EXD2: variants seen among roughly 807,000 people sequenced by gnomAD.
The protein encoded by EXD2 is exonuclease 3'-5' domain-containing protein 2.
A neutral mutation model predicts 62.5 loss-of-function variants in EXD2; 40 were observed. The observed-to-expected ratio is 0.64, with a 90% CI of 0.50 to 0.83. The LOEUF (loss-of-function observed/expected upper bound fraction) is 0.83. Among genes scored for constraint, EXD2 ranks in the 40% least tolerant of loss-of-function variants. The pLI is 0.00. For synonymous variants in EXD2, 239 were observed against 291.9 expected (o/e 0.82, Z 1.85); for missense variants, 671 against 761.8 (o/e 0.88, Z 1.40).
chr14:69,227,828 C>T (rs965251946), intron 3 of EXD2: 4 of 151,830 alleles, frequency 2.6e-5, no homozygotes, highest in Non-Finnish European at 5.9e-5. Context: ...ACCCAGACTC[C>T]ATCTAAAAAA....
intron 1 of EXD2, among the ~76,000 whole-genome samples, chr14:69,193,338 C>A (rs1451759450): frequency 6.6e-6 from 1 of 152,170 alleles, no homozygotes; most frequent in East Asian, 1.9e-4. Flanking sequence ...GGATTACAGG[C>A]GTGAGCCACC....
At chr14:69,234,673 C>T in intron 5 of EXD2, 27 bp from the exon 6 acceptor site, 1 of 1,572,322 alleles carries the variant, frequency 6.4e-7, no homozygotes, top group Non-Finnish European at 8.6e-7. Flanking sequence ...CTTCCAGATT[C>T]CACTGATCTC....
At chr14:69,233,123 G>A (rs750349124) in intron 5 of EXD2, among the ~76,000 whole-genome samples, 2 of 152,162 alleles carry the variant, frequency 1.3e-5, no homozygotes, top group Non-Finnish European at 2.9e-5. Flanking sequence ...AGTACCATTT[G>A]TTTCTTTATC....
At position 69,212,113 on chromosome 14, in the gene EXD2, C is replaced by T. The variant is rs188721761; in HGVS notation, c.333+2310C>T. Among the ~76,000 whole-genome samples, 14 of 152,280 alleles carry T rather than the reference C, an allele frequency of 9.2e-5. No homozygotes were observed. The East Asian group carries it at 2.1e-3, about 23-fold the overall frequency. The stretch of plus-strand genomic sequence containing the variant: ...AAAATAGGCTGGGCGCGGTAGCCCA[C>T]GCCTGTAATCCTAGCACTTTGGGAG... On this transcript the variant is annotated intron_variant, in intron 3 of 9. Transcript: ENST00000685843.
chr14:69,201,872 G>A (rs1224975513), intron 1 of EXD2, among the ~76,000 whole-genome samples: 2 of 151,658 alleles, frequency 1.3e-5, no homozygotes, highest in Non-Finnish European at 2.9e-5. Flanking sequence ...TAGTAGAGAT[G>A]GGGTTTCACC....
At chr14:69,195,020 C>A (rs1329812397) in intron 1 of EXD2, among the ~76,000 whole-genome samples, 4 of 152,064 alleles carry the variant, frequency 2.6e-5, no homozygotes, top group African/African-American at 7.2e-5. Context: ...AGTTTGAGAC[C>A]AGCCTGACCA....
chr14:69,199,374 C>T (rs2042313074), intron 1 of EXD2, among the ~76,000 whole-genome samples: 1 of 152,186 alleles, frequency 6.6e-6, no homozygotes, highest in Non-Finnish European at 1.5e-5. Context: ...CGTGACTGTA[C>T]ACTACTTTAG....
intron 3 of EXD2, among the ~76,000 whole-genome samples, chr14:69,212,991 G>A (rs1445267280): frequency 6.6e-6 from 1 of 151,688 alleles, no homozygotes; most frequent in Non-Finnish European, 1.5e-5. Context: ...GATTACAGGC[G>A]TGAGCAACCG....
intron 3 of EXD2, among the ~76,000 whole-genome samples, chr14:69,216,380 G>A (rs2042988923): frequency 6.6e-6 from 1 of 152,152 alleles, no homozygotes; most frequent in South Asian, 2.1e-4. Context: ...GGGGCAGCAA[G>A]ACCTGCCATC....
At chr14:69,226,617 A>G (rs913976644) in intron 3 of EXD2, among the ~76,000 whole-genome samples, 1 of 151,986 alleles carries the variant, frequency 6.6e-6, no homozygotes, top group African/African-American at 2.4e-5. Context: ...GTGTGGTGGC[A>G]GGCGCCTATA....
chr14:69,194,994 G>A (rs987762481), intron 1 of EXD2, among the ~76,000 whole-genome samples: 4 of 152,060 alleles, frequency 2.6e-5, no homozygotes, highest in Middle Eastern at 3.2e-3. Flanking sequence ...TGAGACGGGC[G>A]GATCACCAGG....
At chr14:69,230,399 A>G (rs1316101088) in intron 4 of EXD2, 73 bp from the exon 5 acceptor site, 1 of 974,600 alleles carries the variant, frequency 1.0e-6, no homozygotes. Flanking sequence ...TTGGCCATTT[A>G]TATGTCTTTT....
At chr14:69,192,030 C>T (rs1258341173) in intron 1 of EXD2, 1 of 152,272 alleles carries the variant, frequency 6.6e-6, no homozygotes. Flanking sequence ...GTTTTCTCTC[C>T]TGGATTCGTG....
At chr14:69,215,650 G>T (rs2042965345) in intron 3 of EXD2, among the ~76,000 whole-genome samples, 1 of 152,062 alleles carries the variant, frequency 6.6e-6, no homozygotes, top group South Asian at 2.1e-4. Flanking sequence ...ATTTGGTACT[G>T]TCATATTTTA....
chr14:69,242,851 T>C lies in EXD2; in HGVS notation c.*1751T>C, dbSNP rs1034533033. On this transcript the variant is annotated 3_prime_UTR_variant, in exon 10 of 10. Coordinates refer to ENST00000685843, the MANE Select transcript of EXD2 (RefSeq NM_001193360.2). ...AAAGCAACTGGTTACTGAACGTAAC[T>C]CATGACTTATGTTTCAAATTTTGCA... The C allele has an allele frequency of 6.6e-6, 1 of 152,242 alleles. No homozygotes were observed. Among genetic ancestry groups the C allele is most frequent in the African/African-American group, 2.4e-5 (1 of 41,464 alleles). The allele number at this position is 152,242 out of a possible 1,614,324, so 9.4% of individuals were successfully genotyped here.
chr14:69,230,134 G>A (rs1033389361), intron 4 of EXD2, among the ~76,000 whole-genome samples: 10 of 152,046 alleles, frequency 6.6e-5, no homozygotes, highest in East Asian at 1.9e-4. Flanking sequence ...AAGCTGACTC[G>A]GGAGCACACT....
intron 2 of EXD2, among the ~76,000 whole-genome samples, chr14:69,206,413 A>G (rs2042596399): frequency 7.1e-6 from 1 of 140,640 alleles, no homozygotes; most frequent in Admixed American, 7.1e-5. Flanking sequence ...TGGGGCTGGC[A>G]TGAGTTCTGG....
At position 69,209,652 on chromosome 14, in the gene EXD2, T is replaced by C; in HGVS notation, c.182T>C (p.Leu61Pro). The change falls in exon 3 of 10, where the codon CTG (leucine) becomes CCG (proline). Residue 61 changes from leucine (L) to proline (P), a missense_variant. Coordinates refer to ENST00000685843, the MANE Select transcript of EXD2 (RefSeq NM_001193360.2). The stretch of plus-strand genomic sequence containing the variant: ...CTGCCCCCTCCAGAAGATGATCAGC[T>C]GCACTCCAGTGCCCCCAGATCCTCG... ...RELPPPEDDQ[L>P]HSSAPRSSWK... 6.4e-7 allele frequency: 1 copy of C among 1,550,498 alleles called. No individual in the cohort carries two copies. Among genetic ancestry groups the C allele is most frequent in the Non-Finnish European group, 8.7e-7 (1 of 1,146,968 alleles).
At position 69,243,604 on chromosome 14, in the gene EXD2, T is replaced by C. The variant is rs1168265711; in HGVS notation, c.*2504T>C. On this transcript the variant is annotated 3_prime_UTR_variant, in exon 10 of 10. Coordinates refer to ENST00000685843, the MANE Select transcript of EXD2 (RefSeq NM_001193360.2). Reference sequence around the variant, plus strand: ...TTTCAGATACTTTTATTATCAATGATGATGTGATAAAGTTTCTTGTATATA... The same window carrying C: ...TTTCAGATACTTTTATTATCAATGACGATGTGATAAAGTTTCTTGTATATA... The C allele has an allele frequency of 6.6e-6, 1 of 152,238 alleles. No homozygotes were observed. The highest frequency in any genetic ancestry group is 1.9e-4 in the East Asian group (1 of 5,206). 9.4% of individuals were successfully genotyped at this position (152,238 alleles called of 1,614,324 possible).
Sources: gnomAD v4.1 joint callset for allele counts (sites outside exome capture counted in the v4.1 genomes callset) on GRCh38, gnomAD v4.1.1 for gene constraint, MANE v1.5 for transcripts, NCBI Gene and HGNC (gene_info 2026-07-23, HGNC 2026-07-21) for gene names.